Variants in CDH8 observed in about 807,000 individuals in gnomAD.
The protein encoded by CDH8 is cadherin 8.
A neutral mutation model predicts 68.1 loss-of-function variants in CDH8; 17 were observed. That is an observed-to-expected ratio of 0.25 (90% CI 0.17 to 0.37). The LOEUF is 0.37. Ranked by LOEUF, CDH8 falls within the 10% of genes least tolerant of loss-of-function variation. CDH8 has a pLI of 1.00. For synonymous variants in CDH8, 372 were observed against 365.1 expected (o/e 1.02, Z -0.21); for missense variants, 763 against 999.3 (o/e 0.76, Z 3.19).
At chr16:61,796,715 C>T (rs532405693) in intron 7 of CDH8, among the ~76,000 whole-genome samples, 5 of 152,190 alleles carry the variant, frequency 3.3e-5, no homozygotes, top group East Asian at 1.9e-4. Flanking sequence ...TGCTAAGGAA[C>T]TGATCCTTTT....
At chr16:61,692,449 G>A (rs1372110370) in intron 10 of CDH8, 1 of 152,112 alleles carries the variant, frequency 6.6e-6, no homozygotes, top group African/African-American at 2.4e-5. Flanking sequence ...ATACTTTGCT[G>A]AGACTGCTGG....
At chr16:61,953,428 A>G (rs1220859133) in intron 2 of CDH8, among the ~76,000 whole-genome samples, 1 of 152,154 alleles carries the variant, frequency 6.6e-6, no homozygotes, top group Non-Finnish European at 1.5e-5. Flanking sequence ...TTTTAAAATA[A>G]CTTGTCATAT....
Position 61,745,158 on chromosome 16 carries a change from T to C in CDH8, c.1415-17943A>G, listed in dbSNP as rs367749801. Among the ~76,000 whole-genome samples, 4 of 151,792 alleles carry C rather than the reference T, an allele frequency of 2.6e-5. No homozygotes were observed. In the East Asian group the frequency reaches 5.8e-4, roughly 22 times the overall value. On this transcript the variant is annotated intron_variant, in intron 8 of 11. Transcript: ENST00000577390. ...AAGGCTCTTTTCTCTTGATATAATA[T>C]TTTGGCTTGGCAATTATTTTCCTTC...
intron 8 of CDH8, among the ~76,000 whole-genome samples, chr16:61,781,444 C>A (rs370322749): frequency 1.1e-3 from 163 of 151,734 alleles, no homozygotes; most frequent in African/African-American, 3.6e-3. Context: ...AAAACCAAAA[C>A]CAAAAACAAA....
chr16:61,884,358 T>G (rs1009398611), intron 3 of CDH8, among the ~76,000 whole-genome samples: 1 of 151,876 alleles, frequency 6.6e-6, no homozygotes, highest in African/African-American at 2.4e-5. Flanking sequence ...AGTAAGTATA[T>G]TTTACCTTTC....
intron 2 of CDH8, among the ~76,000 whole-genome samples, chr16:61,917,137 G>A (rs919645518): frequency 6.6e-6 from 1 of 150,558 alleles, no homozygotes; most frequent in Non-Finnish European, 1.5e-5. Context: ...TTGGGAGTAG[G>A]AGGAGAGAAC....
chr16:61,740,197 G>A (rs895191679), intron 8 of CDH8, among the ~76,000 whole-genome samples: 3 of 151,672 alleles, frequency 2.0e-5, no homozygotes, highest in Non-Finnish European at 2.9e-5. Context: ...GAGCCACTGC[G>A]CCCGGCCAAT....
intron 4 of CDH8, among the ~76,000 whole-genome samples, chr16:61,846,145 AG>A (rs1296646051): frequency 6.6e-6 from 1 of 152,156 alleles, no homozygotes; most frequent in African/African-American, 2.4e-5. Flanking sequence ...ATCCATATCC[AG>A]ATGAATCAAA....
intron 4 of CDH8, among the ~76,000 whole-genome samples, chr16:61,847,762 G>A (rs1179511796): frequency 6.6e-6 from 1 of 151,598 alleles, no homozygotes. Flanking sequence ...CTTAAATGCT[G>A]AGGATGCAGA....
At chr16:61,930,144 G>A (rs1964518095) in intron 2 of CDH8, among the ~76,000 whole-genome samples, 2 of 152,144 alleles carry the variant, frequency 1.3e-5, no homozygotes, top group South Asian at 4.2e-4. Flanking sequence ...ACTTATATTT[G>A]TATTATCCAG....
chr16:61,685,606 A>G (rs1253991070), intron 10 of CDH8, among the ~76,000 whole-genome samples: 2 of 152,024 alleles, frequency 1.3e-5, no homozygotes, highest in Non-Finnish European at 2.9e-5. Context: ...AATAGAGATA[A>G]TAATCAGTTA....
intron 2 of CDH8, among the ~76,000 whole-genome samples, chr16:61,925,736 T>C (rs946224750): frequency 6.6e-6 from 1 of 152,122 alleles, no homozygotes; most frequent in Non-Finnish European, 1.5e-5. Context: ...TTTGAGGAAA[T>C]GTATGTCATA....
intron 8 of CDH8, among the ~76,000 whole-genome samples, chr16:61,735,097 C>A (rs1403125488): frequency 6.6e-6 from 1 of 152,024 alleles, no homozygotes; most frequent in Non-Finnish European, 1.5e-5. Flanking sequence ...TGTATCTTCT[C>A]TTCTATTTCT....
intron 7 of CDH8, among the ~76,000 whole-genome samples, chr16:61,804,301 T>C (rs1961743730): frequency 6.6e-6 from 1 of 151,864 alleles, no homozygotes; most frequent in Non-Finnish European, 1.5e-5. Context: ...CCAGAATCTC[T>C]GGGACACATT....
intron 3 of CDH8, among the ~76,000 whole-genome samples, chr16:61,876,499 C>T (rs1963463495): frequency 2.0e-5 from 3 of 152,072 alleles, no homozygotes; most frequent in Admixed American, 2.0e-4. Context: ...GCCAAGACCC[C>T]TGGACATTTG....
chr16:61,924,276 C>A (rs560046357), intron 2 of CDH8, among the ~76,000 whole-genome samples: 1 of 152,268 alleles, frequency 6.6e-6, no homozygotes, highest in Admixed American at 6.5e-5. Flanking sequence ...TGAACATTCA[C>A]TTCTGAATAC....
rs138542426 is a variant in CDH8 at position 61,650,671 on chromosome 16, T to TTGTGTGTGTGTG, written c.*2925_*2936dup. Reference sequence around the variant, plus strand: ...AAAATGTGTGTTTTTTATTTGTTTGTTGTGTGTGTGTGTGTGTGTGTGTGT... The same window carrying TTGTGTGTGTGTG: ...AAAATGTGTGTTTTTTATTTGTTTGTTGTGTGTGTGTGTGTGTGTGTGTGTGTGTGTGTGTGT... On this transcript the variant is annotated 3_prime_UTR_variant, in exon 12 of 12. Transcript: ENST00000577390. 1.4e-4 allele frequency: 19 copies of TTGTGTGTGTGTG among 137,882 alleles called. No homozygotes were observed. Among genetic ancestry groups the TTGTGTGTGTGTG allele is most frequent in the Admixed American group, 8.0e-4 (11 of 13,690 alleles). 8.5% of individuals were successfully genotyped at this position (137,882 alleles called of 1,614,324 possible).
intron 1 of CDH8, among the ~76,000 whole-genome samples, chr16:62,022,566 A>G (rs190766528): frequency 2.0e-5 from 3 of 152,336 alleles, no homozygotes; most frequent in African/African-American, 7.2e-5. Context: ...ATATTTTTAA[A>G]GAAATAATGT....
chr16:61,855,462 A>T (rs979546181), intron 4 of CDH8, among the ~76,000 whole-genome samples: 1 of 152,134 alleles, frequency 6.6e-6, no homozygotes, highest in Non-Finnish European at 1.5e-5. Flanking sequence ...TTTGAAATGG[A>T]TTATGAGATA....
Sources: gnomAD v4.1 joint callset for allele counts (sites outside exome capture counted in the v4.1 genomes callset) on GRCh38, gnomAD v4.1.1 for gene constraint, MANE v1.5 for transcripts, NCBI Gene and HGNC (gene_info 2026-07-23, HGNC 2026-07-21) for gene names.